ENTREP2: variants seen among roughly 807,000 people sequenced by gnomAD.
ENTREP2 encodes endosomal transmembrane epsin interactor 2.
At chr15:29,401,265 T>C in the ENTREP2 span, among the ~76,000 whole-genome samples, 1 of 152,174 alleles carries the variant, frequency 6.6e-6, no homozygotes, top group African/African-American at 2.4e-5. Context: ...GAAAAATATT[T>C]ATAATACATA....
At chr15:29,329,003 T>C in the ENTREP2 span, among the ~76,000 whole-genome samples, 2 of 152,122 alleles carry the variant, frequency 1.3e-5, no homozygotes, top group Non-Finnish European at 2.9e-5. Flanking sequence ...TTCCTATACA[T>C]ACATACCTTT....
chr15:29,561,692 T>TAA, the ENTREP2 span, among the ~76,000 whole-genome samples: 16 of 98,142 alleles, frequency 1.6e-4, no homozygotes, highest in Non-Finnish European at 3.4e-4. Flanking sequence ...CATCTCAAAA[T>TAA]TATAATAATA....
At chr15:29,284,892 C>T in the ENTREP2 span, among the ~76,000 whole-genome samples, 8 of 152,166 alleles carry the variant, frequency 5.3e-5, no homozygotes, top group South Asian at 2.1e-4. Flanking sequence ...ACAATGGTAA[C>T]GTCAATGCAA....
At chr15:29,342,104 T>C in the ENTREP2 span, among the ~76,000 whole-genome samples, 2 of 152,170 alleles carry the variant, frequency 1.3e-5, no homozygotes, top group Admixed American at 6.5e-5. Context: ...CAGGCCGCCA[T>C]GCAGGGCAGA....
chr15:29,663,043 G>A, the ENTREP2 span, among the ~76,000 whole-genome samples: 2 of 152,116 alleles, frequency 1.3e-5, no homozygotes, highest in East Asian at 2.0e-4. Context: ...ACGGTTGCCC[G>A]GAATCCCGTG....
At chr15:29,369,442 G>A in the ENTREP2 span, among the ~76,000 whole-genome samples, 4 of 151,934 alleles carry the variant, frequency 2.6e-5, no homozygotes, top group African/African-American at 4.8e-5. Flanking sequence ...AAAAAAAAGT[G>A]TAAACCAAGA....
the ENTREP2 span, among the ~76,000 whole-genome samples, chr15:29,566,139 T>C: frequency 4.6e-5 from 7 of 151,908 alleles, no homozygotes; most frequent in Admixed American, 6.6e-5. Context: ...TGTATGTGTG[T>C]GTATATATAT....
the ENTREP2 span, among the ~76,000 whole-genome samples, chr15:29,285,106 G>C: frequency 6.6e-6 from 1 of 152,164 alleles, no homozygotes; most frequent in Non-Finnish European, 1.5e-5. Flanking sequence ...GGGTGTGCTG[G>C]TAATTAAGCT....
the ENTREP2 span, among the ~76,000 whole-genome samples, chr15:29,162,922 C>T: frequency 2.0e-5 from 3 of 152,176 alleles, no homozygotes; most frequent in African/African-American, 7.2e-5. Flanking sequence ...CCCCCCACCA[C>T]CTCCACTGGA....
chr15:29,574,312 A>C, the ENTREP2 span, among the ~76,000 whole-genome samples: 136 of 136,034 alleles, frequency 1.0e-3, no homozygotes, highest in East Asian at 0.038. Context: ...TTGTTTTTTT[A>C]AAGACAGAGT....
chr15:29,368,389 T>A, the ENTREP2 span, among the ~76,000 whole-genome samples: 143 of 151,136 alleles, frequency 9.5e-4, no homozygotes, highest in Non-Finnish European at 1.8e-3. Flanking sequence ...CACACATATA[T>A]ATACACACAT....
the ENTREP2 span, among the ~76,000 whole-genome samples, chr15:29,659,831 C>T: frequency 2.6e-5 from 4 of 151,436 alleles, no homozygotes; most frequent in African/African-American, 9.7e-5. Flanking sequence ...GAGTCTTGCT[C>T]TTTCACCCAG....
the ENTREP2 span, among the ~76,000 whole-genome samples, chr15:29,491,260 A>T: frequency 6.6e-6 from 1 of 151,848 alleles, no homozygotes; most frequent in Non-Finnish European, 1.5e-5. Context: ...CCCTCCCTCC[A>T]CACCTCCCCG....
the ENTREP2 span, among the ~76,000 whole-genome samples, chr15:29,430,168 A>T: frequency 2.6e-5 from 4 of 152,052 alleles, no homozygotes; most frequent in Admixed American, 6.6e-5. Context: ...AGTTAGAGAT[A>T]CCACCTGTCT....
At chr15:29,490,336 G>C in the ENTREP2 span, among the ~76,000 whole-genome samples, 4 of 152,332 alleles carry the variant, frequency 2.6e-5, no homozygotes, top group East Asian at 1.9e-4. Flanking sequence ...GAGCCTAAGA[G>C]TGAGCAGTGG....
At chr15:29,336,415 A>C in the ENTREP2 span, among the ~76,000 whole-genome samples, 1 of 151,848 alleles carries the variant, frequency 6.6e-6, no homozygotes, top group Non-Finnish European at 1.5e-5. Context: ...AGGCTCAAAC[A>C]ACCCTCCCAC....
At chr15:29,632,964 A>G in the ENTREP2 span, among the ~76,000 whole-genome samples, 474 of 152,376 alleles carry the variant, frequency 3.1e-3, 1 homozygote, top group African/African-American at 0.011. Context: ...GACAAGTTGC[A>G]TGAGGATGAG....
chr15:29,604,449 A>G, the ENTREP2 span, among the ~76,000 whole-genome samples: 2 of 152,230 alleles, frequency 1.3e-5, no homozygotes, highest in Non-Finnish European at 1.5e-5. Flanking sequence ...GTGATAAAAT[A>G]AACTGTTAAG....
the ENTREP2 span, among the ~76,000 whole-genome samples, chr15:29,608,803 G>A: frequency 6.6e-6 from 1 of 151,400 alleles, no homozygotes; most frequent in Admixed American, 6.6e-5. Flanking sequence ...TCCTGACCTC[G>A]TGATGCGCCC....
Sources: allele counts gnomAD v4.1 joint callset (sites outside exome capture counted in the v4.1 genomes callset), GRCh38; gene constraint gnomAD v4.1.1; transcripts MANE v1.5; gene names NCBI Gene and HGNC (gene_info 2026-07-23, HGNC 2026-07-21).